Variants in TRAPPC9 observed in about 807,000 individuals in gnomAD.
The protein encoded by TRAPPC9 is trafficking protein particle complex subunit 9, also known as IKK2 binding protein.
Under a neutral mutation model 124.0 loss-of-function variants are expected in TRAPPC9, and 83 were observed. That is an observed-to-expected ratio of 0.67 (90% CI 0.56 to 0.80). The LOEUF is 0.80. TRAPPC9 is among the 30% of genes least tolerant of loss of function. The pLI is 0.00. For synonymous variants in TRAPPC9, 638 were observed against 617.5 expected (o/e 1.03, Z -0.49); for missense variants, 1,302 against 1,508.3 (o/e 0.86, Z 2.27).
intron 21 of TRAPPC9, among the ~76,000 whole-genome samples, chr8:139,870,456 G>C (rs1828828755): frequency 6.6e-6 from 1 of 152,204 alleles, no homozygotes; most frequent in Non-Finnish European, 1.5e-5. Context: ...GGTGAGGAAT[G>C]ACATATTTCA....
At chr8:140,053,585 T>C (rs1842121150) in intron 17 of TRAPPC9, among the ~76,000 whole-genome samples, 2 of 122,400 alleles carry the variant, frequency 1.6e-5, no homozygotes, top group Non-Finnish European at 3.6e-5. Flanking sequence ...ATTTGGTCTA[T>C]AGTGTTGTTC....
chr8:139,753,939 T>G (rs566367828), intron 21 of TRAPPC9, among the ~76,000 whole-genome samples: 1 of 152,342 alleles, frequency 6.6e-6, no homozygotes, highest in African/African-American at 2.4e-5. Flanking sequence ...TCATGGTTGT[T>G]TGTGCATCCC....
chr8:140,408,098 T>C (rs765630008), intron 5 of TRAPPC9, among the ~76,000 whole-genome samples: 2 of 152,206 alleles, frequency 1.3e-5, no homozygotes, highest in Non-Finnish European at 2.9e-5. Context: ...TAGTAAGCCA[T>C]AGATTTGATC....
At chr8:140,441,383 T>G (rs1469173123) in intron 2 of TRAPPC9, among the ~76,000 whole-genome samples, 2 of 152,184 alleles carry the variant, frequency 1.3e-5, no homozygotes, top group African/African-American at 4.8e-5. Flanking sequence ...CCTCCACCAG[T>G]AACATAACTG....
intron 17 of TRAPPC9, among the ~76,000 whole-genome samples, chr8:140,092,129 A>G (rs1424426653): frequency 6.6e-6 from 1 of 151,064 alleles, no homozygotes. Context: ...GGAAGCCACC[A>G]TTAGTTATGT....
intron 17 of TRAPPC9, among the ~76,000 whole-genome samples, chr8:140,091,066 G>T (rs887233026): frequency 2.6e-5 from 4 of 152,192 alleles, no homozygotes; most frequent in Non-Finnish European, 4.4e-5. Context: ...AATTATATAA[G>T]AACAAGTCAT....
intron 18 of TRAPPC9, among the ~76,000 whole-genome samples, chr8:139,997,345 C>G (rs2131765576): frequency 6.7e-6 from 1 of 148,226 alleles, no homozygotes; most frequent in South Asian, 2.1e-4. Context: ...ACAGGGCAGA[C>G]AACGCATCCT....
chr8:140,376,313 T>C (rs2068435715), intron 7 of TRAPPC9, among the ~76,000 whole-genome samples: 1 of 151,744 alleles, frequency 6.6e-6, no homozygotes. Context: ...TCCTAGCACT[T>C]TGGGAGGATG....
intron 17 of TRAPPC9, among the ~76,000 whole-genome samples, chr8:140,201,088 G>T (rs1012081970): frequency 6.6e-6 from 1 of 152,222 alleles, no homozygotes; most frequent in Non-Finnish European, 1.5e-5. Context: ...ACAGACCCAG[G>T]CCTCTAAGAG....
chr8:140,004,421 G>A (rs1452680513), intron 18 of TRAPPC9, among the ~76,000 whole-genome samples: 1 of 152,148 alleles, frequency 6.6e-6, no homozygotes, highest in Non-Finnish European at 1.5e-5. Flanking sequence ...GGACCACAGT[G>A]CATTAAGTTT....
intron 10 of TRAPPC9, among the ~76,000 whole-genome samples, chr8:140,304,941 G>A (rs1042476639): frequency 1.2e-4 from 18 of 152,094 alleles, no homozygotes; most frequent in Admixed American, 7.9e-4. Flanking sequence ...CTCAGTGTGC[G>A]TTACCGAATG....
intron 17 of TRAPPC9, among the ~76,000 whole-genome samples, chr8:140,032,467 G>GT (rs1406354723): frequency 6.6e-6 from 1 of 150,864 alleles, no homozygotes; most frequent in African/African-American, 2.4e-5. Context: ...TACACATGCT[G>GT]TCCACCTTTG....
At chr8:140,276,653 C>G (rs2065133106) in intron 14 of TRAPPC9, among the ~76,000 whole-genome samples, 1 of 152,176 alleles carries the variant, frequency 6.6e-6, no homozygotes, top group African/African-American at 2.4e-5. Flanking sequence ...AAGGAGGTCA[C>G]TGGTGATCAC....
chr8:140,328,723 T>G (rs954815585), intron 9 of TRAPPC9, among the ~76,000 whole-genome samples: 1 of 150,144 alleles, frequency 6.7e-6, no homozygotes, highest in Non-Finnish European at 1.5e-5. Flanking sequence ...ATGGAAATAA[T>G]TTTTTTTTTA....
intron 17 of TRAPPC9, among the ~76,000 whole-genome samples, chr8:140,101,639 T>C (rs1180861535): frequency 1.4e-5 from 2 of 139,554 alleles, no homozygotes; most frequent in African/African-American, 5.4e-5. Context: ...GCCTCCTGGG[T>C]TCAAGCGATT....
At chr8:140,214,255 C>G (rs1234810680) in intron 17 of TRAPPC9, among the ~76,000 whole-genome samples, 1 of 152,210 alleles carries the variant, frequency 6.6e-6, no homozygotes, top group Non-Finnish European at 1.5e-5. Flanking sequence ...ATATCCAACT[C>G]AGAGGGTAGA....
chr8:140,010,705 G>C (rs941887872), intron 18 of TRAPPC9, among the ~76,000 whole-genome samples: 4 of 152,128 alleles, frequency 2.6e-5, no homozygotes, highest in African/African-American at 9.7e-5. Flanking sequence ...TCTATGATAG[G>C]GAGAAACGAA....
intron 17 of TRAPPC9, among the ~76,000 whole-genome samples, chr8:140,208,915 G>T (rs61110729): frequency 0.29 from 44,527 of 151,942 alleles, 6,956 homozygotes; most frequent in East Asian, 0.58. Context: ...CTTTTCATAT[G>T]CAGGGGTTCT....
intron 21 of TRAPPC9, among the ~76,000 whole-genome samples, chr8:139,805,415 A>C (rs760217753): frequency 1.3e-5 from 2 of 152,242 alleles, no homozygotes; most frequent in Non-Finnish European, 2.9e-5. Flanking sequence ...GGGGACCTGC[A>C]GACCTGGCAG....
Sources: allele counts gnomAD v4.1 joint callset (sites outside exome capture counted in the v4.1 genomes callset), GRCh38; gene constraint gnomAD v4.1.1; transcripts MANE v1.5; gene names NCBI Gene and HGNC (gene_info 2026-07-23, HGNC 2026-07-21).